The following CRISPLD2 variants were observed in gnomAD, a reference collection of about 807,000 sequenced individuals.
The protein encoded by CRISPLD2 is cysteine-rich secretory protein LCCL domain-containing 2.
Under a neutral mutation model 71.1 loss-of-function variants are expected in CRISPLD2, and 47 were observed. That is an observed-to-expected ratio of 0.66 (90% confidence interval 0.52 to 0.84). CRISPLD2 has a LOEUF of 0.84. CRISPLD2 is among the 40% of genes least tolerant of loss of function. The pLI, the probability that CRISPLD2 is intolerant of heterozygous loss-of-function variation, is 0.00. For missense variants in CRISPLD2, 830 were observed against 651.1 expected, an observed-to-expected ratio of 1.27 and a Z score of -2.99; for synonymous variants, 317 against 250.1, an observed-to-expected ratio of 1.27 and a Z score of -2.52.
chr16:84,830,708 TA>T (rs34363184), intron 1 of CRISPLD2, among the ~76,000 whole-genome samples: 6,299 of 142,520 alleles, frequency 0.044, 127 homozygotes, highest in African/African-American at 0.057. Flanking sequence ...GACTCTGTCT[TA>T]AAAAAAAAAA....
chr16:84,857,920 C>T (rs960936354), intron 6 of CRISPLD2, among the ~76,000 whole-genome samples: 5 of 152,156 alleles, frequency 3.3e-5, no homozygotes, highest in Non-Finnish European at 4.4e-5. Context: ...CTGTGCACGA[C>T]CCGCTTTATG....
rs542898643 is a variant in CRISPLD2 at position 84,892,906 on chromosome 16, G to A, written c.1439+3543G>A. Among the ~76,000 whole-genome samples the A allele has an allele frequency of 1.5e-4, 23 of 150,788 alleles. No homozygotes were observed. The South Asian group carries it at 3.2e-3, about 21-fold the overall frequency. On this transcript the variant is annotated intron_variant, in intron 14 of 14. Coordinates refer to ENST00000262424, the MANE Select transcript of CRISPLD2 (RefSeq NM_031476.4). ...CAGGAGAATCGCTTGAAACCAGGAGGCGGAGGTTGCACTGAGCCGAGATTC... is the reference window on the plus strand; with the variant it reads ...CAGGAGAATCGCTTGAAACCAGGAGACGGAGGTTGCACTGAGCCGAGATTC...
At chr16:84,886,371 A>G (rs190785180) in intron 13 of CRISPLD2, among the ~76,000 whole-genome samples, 1 of 152,140 alleles carries the variant, frequency 6.6e-6, no homozygotes, top group African/African-American at 2.4e-5. Flanking sequence ...GGGCCCCCGG[A>G]TGGGCCGAGG....
Position 84,838,510 on chromosome 16 carries a change from G to T in CRISPLD2, c.15G>T (p.Leu5=). MSCV[L]GGVIPLGLLF... is the part of the protein sequence containing the mutation. ...GGAGTGGAGCCATGAGCTGCGTCCT[G>T]GGTGGTGTCATCCCCTTGGGGCTGC... is the stretch of plus-strand genomic sequence containing the variant. The change falls in exon 2 of 15, where the codon CTG becomes CTT. Residue 5 remains leucine (L), a synonymous_variant. Transcript: ENST00000262424. The T allele has an allele frequency of 2.5e-6, 4 of 1,614,076 alleles. No individual in the cohort carries two copies. Among genetic ancestry groups the T allele is most frequent in the Non-Finnish European group, 3.4e-6 (4 of 1,179,980 alleles).
chr16:84,847,854 C>G lies in CRISPLD2; in HGVS notation c.360-1531C>G, dbSNP rs115329269. ...TTTCTTTTTCCTTTTCATACAATAT[C>G]AGGAAATTTTCAGTGATACAGTTGT... is the stretch of plus-strand genomic sequence containing the variant. On this transcript the variant is annotated intron_variant, in intron 3 of 14. Transcript: ENST00000262424. Among the ~76,000 whole-genome samples, 854 of 152,222 alleles carry G rather than the reference C, an allele frequency of 5.6e-3. 5 individuals are homozygous for G. Among genetic ancestry groups the G allele is most frequent in the African/African-American group, 0.018 (754 of 41,516 alleles).
In CRISPLD2 at chr16:84,908,086, A is replaced by C. The variant is rs1469195519; in HGVS notation, c.*1444A>C. ...AGAACTAGCAGAAAGTCAAAAACTA[A>C]GATACTGTAGACTGGACAAGAAATT... On this transcript the variant is annotated 3_prime_UTR_variant, in exon 15 of 15. Coordinates refer to ENST00000262424, the MANE Select transcript of CRISPLD2 (RefSeq NM_031476.4). 6.6e-6 allele frequency: 1 copy of C among 152,272 alleles called. No homozygotes were observed. Among genetic ancestry groups the C allele is most frequent in the African/African-American group, 2.4e-5 (1 of 41,470 alleles). 9.4% of individuals were successfully genotyped at this position (152,272 alleles called of 1,614,324 possible).
chr16:84,860,989 A>G (rs1290879808), intron 6 of CRISPLD2, among the ~76,000 whole-genome samples: 2 of 152,140 alleles, frequency 1.3e-5, no homozygotes, highest in African/African-American at 4.8e-5. Flanking sequence ...GAAGCAACCA[A>G]TCAGCTTCAT....
At position 84,868,043 on chromosome 16, in the gene CRISPLD2, C is replaced by T. The variant is rs566104618; in HGVS notation, c.854-808C>T. On this transcript the variant is annotated intron_variant, in intron 7 of 14. Coordinates refer to ENST00000262424, the MANE Select transcript of CRISPLD2 (RefSeq NM_031476.4). The stretch of plus-strand genomic sequence containing the variant: ...ATGCCCTTGGCTCTCCCCGTTTGCC[C>T]CGCAAGCCTCAAAGGCCCTAAAACT... Among the ~76,000 whole-genome samples, 450 of 152,326 alleles carry T rather than the reference C, an allele frequency of 3.0e-3. 1 individual carries two copies. The highest frequency in any genetic ancestry group is 0.011 in the African/African-American group (439 of 41,566).
intron 14 of CRISPLD2, among the ~76,000 whole-genome samples, chr16:84,898,486 T>C (rs955790798): frequency 1.3e-5 from 2 of 152,128 alleles, no homozygotes; most frequent in Non-Finnish European, 2.9e-5. Flanking sequence ...TCTGGTACCC[T>C]CTGGGCTCTC....
intron 14 of CRISPLD2, among the ~76,000 whole-genome samples, chr16:84,900,420 G>C (rs914072428): frequency 2.0e-5 from 3 of 152,088 alleles, no homozygotes; most frequent in Non-Finnish European, 2.9e-5. Context: ...TGGTGACTAG[G>C]CTGTTAATCT....
At chr16:84,838,282 G>A in intron 1 of CRISPLD2, 140 bp from the exon 2 acceptor site, 1 of 598,734 alleles carries the variant, frequency 1.7e-6, no homozygotes, top group Non-Finnish European at 2.9e-6. Context: ...GTGGGACCTT[G>A]CTTGTTTAGC....
At chr16:84,833,624 G>C (rs1597447174) in intron 1 of CRISPLD2, among the ~76,000 whole-genome samples, 1 of 152,310 alleles carries the variant, frequency 6.6e-6, no homozygotes. Flanking sequence ...CAGGACGCTA[G>C]GAGGGCACTC....
intron 6 of CRISPLD2, among the ~76,000 whole-genome samples, chr16:84,860,015 G>T (rs930514669): frequency 3.9e-5 from 6 of 152,116 alleles, no homozygotes; most frequent in South Asian, 2.1e-4. Flanking sequence ...ATATCTTCTG[G>T]ATTCTCCCAG....
At position 84,889,322 on chromosome 16, in the gene CRISPLD2, G is replaced by T; in HGVS notation, c.1398G>T (p.Lys466Asn). Residue 466 changes from lysine to asparagine, a missense_variant, in exon 14 of 15, where the codon AAG becomes AAT. Transcript: ENST00000262424. The stretch of plus-strand genomic sequence containing the variant: ...ACGTGATGCCCGTGGATAAAAAGAA[G>T]ACCTACGTGGGCTCGCTCAGGAATG... Reference protein sequence around the residue: ...DVDVMPVDKKKTYVGSLRNGV... With the variant: ...DVDVMPVDKKNTYVGSLRNGV... 2 of 1,614,076 alleles carry T rather than the reference G, an allele frequency of 1.2e-6. No homozygotes were observed. The highest frequency in any genetic ancestry group is 1.7e-6 in the Non-Finnish European group (2 of 1,179,958).
At chr16:84,890,776 C>T (rs1226933506) in intron 14 of CRISPLD2, among the ~76,000 whole-genome samples, 3 of 151,944 alleles carry the variant, frequency 2.0e-5, no homozygotes, top group African/African-American at 4.8e-5. Context: ...GCCTGGGCAA[C>T]AAGAGCAAAA....
intron 1 of CRISPLD2, among the ~76,000 whole-genome samples, chr16:84,827,259 G>A (rs1259501635): frequency 6.6e-6 from 1 of 152,116 alleles, no homozygotes; most frequent in Non-Finnish European, 1.5e-5. Context: ...TCTGTTGGTT[G>A]AGCACCGTGT....
intron 7 of CRISPLD2, among the ~76,000 whole-genome samples, chr16:84,867,763 T>C (rs1434586360): frequency 6.6e-6 from 1 of 152,084 alleles, no homozygotes; most frequent in African/African-American, 2.4e-5. Flanking sequence ...GAAAGGGAGA[T>C]GTTTCCCCCT....
At chr16:84,855,522 G>T (rs1917213482) in intron 6 of CRISPLD2, among the ~76,000 whole-genome samples, 1 of 151,080 alleles carries the variant, frequency 6.6e-6, no homozygotes, top group Non-Finnish European at 1.5e-5. Context: ...TTATATCCTA[G>T]CTGCACTGGC....
chr16:84,901,842 G>A (rs1168758129), intron 14 of CRISPLD2, among the ~76,000 whole-genome samples: 2 of 140,336 alleles, frequency 1.4e-5, no homozygotes, highest in Admixed American at 7.4e-5. Context: ...CGCCCAGGGT[G>A]GAGTGCAGTG....
Sources: gnomAD v4.1 joint callset for allele counts (sites outside exome capture counted in the v4.1 genomes callset) on GRCh38, gnomAD v4.1.1 for gene constraint, MANE v1.5 for transcripts, NCBI Gene and HGNC (gene_info 2026-07-23, HGNC 2026-07-21) for gene names.